The following CCDC39 variants were observed in gnomAD, a reference collection of about 807,000 sequenced individuals.
CCDC39 encodes the protein coiled-coil domain-containing protein 39.
In CCDC39, 113 loss-of-function variants were observed where a neutral mutation model predicts 121.0. That is an observed-to-expected ratio of 0.93 (90% CI 0.80 to 1.09). CCDC39 has a LOEUF of 1.09. Ranked by LOEUF, CCDC39 falls within the 50% of genes least tolerant of loss-of-function variation. CCDC39 has a pLI of 0.00. For synonymous variants in CCDC39, 349 were observed against 352.2 expected (o/e 0.99, Z 0.10); for missense variants, 1,063 against 1,074.7 (o/e 0.99, Z 0.15).
chr3:180,673,326 A>G (rs73051796), intron 1 of CCDC39, among the ~76,000 whole-genome samples: 5,247 of 152,306 alleles, frequency 0.034, 232 homozygotes, highest in African/African-American at 0.1. Flanking sequence ...GAATCTGTTG[A>G]TGCGGCAAAG....
intron 14 of CCDC39, 44 bp downstream of exon 14, chr3:180,631,423 CAA>C (rs757905331): frequency 1.8e-5 from 27 of 1,520,548 alleles, no homozygotes; most frequent in Non-Finnish European, 2.2e-5. Context: ...AATGAGTTAA[CAA>C]AGAAAATTTC....
At chr3:180,636,342 A>G (rs1236561659) in intron 13 of CCDC39, among the ~76,000 whole-genome samples, 1 of 152,198 alleles carries the variant, frequency 6.6e-6, no homozygotes. Flanking sequence ...CAGGAACGCA[A>G]TCCCATTACA....
intron 7 of CCDC39, among the ~76,000 whole-genome samples, chr3:180,654,176 T>C (rs1048375917): frequency 2.3e-5 from 3 of 129,774 alleles, no homozygotes; most frequent in African/African-American, 9.2e-5. Flanking sequence ...GGGGAAAGGA[T>C]AGTCTCTTCA....
In CCDC39 at chr3:180,657,356, G is replaced by T. The variant is rs552982837; in HGVS notation, c.738+2096C>A. On this transcript the variant is annotated intron_variant, in intron 6 of 19. Coordinates refer to ENST00000476379, the MANE Select transcript of CCDC39 (RefSeq NM_181426.2). ...GAATGTGACCAGGGAGCTACTAGTTGTGTATTCTGCCAAATCAGCTGACCG... is the reference window on the plus strand; with the variant it reads ...GAATGTGACCAGGGAGCTACTAGTTTTGTATTCTGCCAAATCAGCTGACCG... Among the ~76,000 whole-genome samples, 4 of 152,126 alleles carry T rather than the reference G, an allele frequency of 2.6e-5. No homozygotes were observed. The South Asian group carries it at 8.3e-4, about 32-fold the overall frequency.
intron 14 of CCDC39, among the ~76,000 whole-genome samples, chr3:180,625,068 C>G (rs989074691): frequency 1.1e-4 from 17 of 152,206 alleles, no homozygotes; most frequent in African/African-American, 3.9e-4. Context: ...GCGTCTAACT[C>G]TCTTACTAGA....
chr3:180,674,736 T>A (rs1712144595), intron 1 of CCDC39, among the ~76,000 whole-genome samples: 1 of 152,228 alleles, frequency 6.6e-6, no homozygotes, highest in African/African-American at 2.4e-5. Context: ...ATTGAGATAA[T>A]CATGTGGTTT....
intron 2 of CCDC39, 121 bp downstream of exon 2, chr3:180,663,746 T>G (rs2108430966): frequency 1.1e-6 from 1 of 938,712 alleles, no homozygotes. Context: ...CAAGGTTATG[T>G]TCACAATAGT....
At chr3:180,637,552 A>G (rs1717860984) in intron 13 of CCDC39, among the ~76,000 whole-genome samples, 1 of 152,232 alleles carries the variant, frequency 6.6e-6, no homozygotes, top group African/African-American at 2.4e-5. Flanking sequence ...CAGAAGTATC[A>G]TTCAACCCAG....
Position 180,629,502 on chromosome 3 carries a change from GC to G in CCDC39, c.1998+1966del, listed in dbSNP as rs542796585. Among the ~76,000 whole-genome samples the G allele has an allele frequency of 3.3e-3, 498 of 152,264 alleles. 3 individuals are homozygous for G. Among genetic ancestry groups the G allele is most frequent in the Admixed American group, 7.4e-3 (113 of 15,296 alleles). On this transcript the variant is annotated intron_variant, in intron 14 of 19. Coordinates refer to ENST00000476379, the MANE Select transcript of CCDC39 (RefSeq NM_181426.2). ...TATAGAATCAGATAATACCTGGAGG[GC>G]CCACTAGAAAATGCCAACACCTTGG...
At chr3:180,665,631 A>G (rs970594776) in intron 1 of CCDC39, among the ~76,000 whole-genome samples, 1 of 151,704 alleles carries the variant, frequency 6.6e-6, no homozygotes, top group African/African-American at 2.4e-5. Flanking sequence ...TGTCTTAATG[A>G]TTGAATTAAA....
intron 19 of CCDC39, among the ~76,000 whole-genome samples, chr3:180,615,992 C>T (rs928533123): frequency 6.6e-6 from 1 of 152,040 alleles, no homozygotes; most frequent in Non-Finnish European, 1.5e-5. Flanking sequence ...TAGATGTAGC[C>T]CCCAAATTTA....
intron 14 of CCDC39, among the ~76,000 whole-genome samples, chr3:180,629,063 G>T (rs1717633613): frequency 1.3e-5 from 2 of 152,178 alleles, no homozygotes; most frequent in African/African-American, 4.8e-5. Context: ...TCCCAGCAGT[G>T]AAAATGCCAA....
intron 1 of CCDC39, among the ~76,000 whole-genome samples, chr3:180,676,155 A>T (rs1399672598): frequency 6.6e-6 from 1 of 152,234 alleles, no homozygotes; most frequent in Non-Finnish European, 1.5e-5. Flanking sequence ...GGATCTCATT[A>T]AACTAAAGAG....
intron 13 of CCDC39, among the ~76,000 whole-genome samples, chr3:180,633,472 C>T (rs909321270): frequency 2.0e-5 from 3 of 152,066 alleles, no homozygotes; most frequent in African/African-American, 7.2e-5. Context: ...AATAACAGTG[C>T]TTGCAAATAA....
chr3:180,641,641 T>C (rs914067639), intron 13 of CCDC39, among the ~76,000 whole-genome samples: 1 of 152,056 alleles, frequency 6.6e-6, no homozygotes, highest in Non-Finnish European at 1.5e-5. Context: ...AGAAAAAACA[T>C]GTAGCCAGAA....
chr3:180,670,639 C>CTTT (rs573623299), intron 1 of CCDC39, among the ~76,000 whole-genome samples: 128 of 120,436 alleles, frequency 1.1e-3, no homozygotes, highest in African/African-American at 3.2e-3. Context: ...TTTTTTTTCT[C>CTTT]TTTTTTTTTT....
At chr3:180,644,572 G>A (rs1277846501) in intron 11 of CCDC39, among the ~76,000 whole-genome samples, 3 of 152,052 alleles carry the variant, frequency 2.0e-5, no homozygotes, top group African/African-American at 7.2e-5. Flanking sequence ...ATTGGTTGCA[G>A]GACAACTGCA....
Position 180,679,297 on chromosome 3 carries a change from T to A in CCDC39, c.84A>T (p.Glu28Asp). Reference protein sequence around the residue: ...PVANEENKLLEDQLSKLKDER... With the variant: ...PVANEENKLLDDQLSKLKDER... ...CTGCTTCAATTGATCTCACCTGATC[T>A]TCCAGTAGCTTGTTCTCCTCGTTCG... The change falls in exon 1 of 20, where the codon GAA becomes GAT. Residue 28 changes from glutamate (E) to aspartate (D), a missense_variant. Coordinates refer to ENST00000476379, the MANE Select transcript of CCDC39 (RefSeq NM_181426.2). The surrounding 1 kb of genome is among the most constrained non-coding windows in gnomAD (Gnocchi z 4.0). 1 of 1,613,646 alleles carries A rather than the reference T, an allele frequency of 6.2e-7. No homozygotes were observed.
At chr3:180,642,280 T>A in intron 12 of CCDC39, 79 bp from the exon 13 acceptor site, 1 of 773,756 alleles carries the variant, frequency 1.3e-6, no homozygotes, top group Non-Finnish European at 2.0e-6. Context: ...GCTATATAAG[T>A]AAAACTTGAA....
Sources: gnomAD v4.1 joint callset for allele counts (sites outside exome capture counted in the v4.1 genomes callset) on GRCh38, gnomAD v4.1.1 for gene constraint, Gnocchi (gnomAD v3.1) non-coding constraint, MANE v1.5 for transcripts, NCBI Gene and HGNC (gene_info 2026-07-23, HGNC 2026-07-21) for gene names.